The following ALOX5AP variants were observed in gnomAD, a reference collection of about 807,000 sequenced individuals.
ALOX5AP encodes the protein arachidonate 5-lipoxygenase activating protein.
Under a neutral mutation model 18.5 loss-of-function variants are expected in ALOX5AP, and 9 were observed. The observed-to-expected ratio is 0.49, with a 90% CI of 0.29 to 0.85. ALOX5AP has a LOEUF of 0.85. Ranked by LOEUF, ALOX5AP falls within the 40% of genes least tolerant of loss-of-function variation. The probability of loss-of-function intolerance (pLI) is 0.08; values close to 1 mark genes in which losing one functional copy is unlikely to be tolerated. For synonymous variants in ALOX5AP, 81 were observed against 78.6 expected (o/e 1.03, Z -0.16); for missense variants, 172 against 202.5 (o/e 0.85, Z 0.91).
At chr13:30,728,675 C>A (rs1436448475) in intron 1 of ALOX5AP, among the ~76,000 whole-genome samples, 1 of 152,012 alleles carries the variant, frequency 6.6e-6, no homozygotes, top group Non-Finnish European at 1.5e-5. Flanking sequence ...ACAGTGATAC[C>A]CTGTCTGTAC....
intron 2 of ALOX5AP, among the ~76,000 whole-genome samples, chr13:30,746,339 G>C (rs1010412626): frequency 6.6e-6 from 1 of 152,236 alleles, no homozygotes; most frequent in African/African-American, 2.4e-5. Flanking sequence ...TCCATGAGAG[G>C]GAAGGAGAAG....
rs756061691 is a variant in ALOX5AP at position 30,752,068 on chromosome 13, G to A, written c.187G>A (p.Ala63Thr). Reference sequence around the variant, plus strand: ...ATTCTGCAGCCAGAACTGTGTAGATGCGTACCCCACTTTCCTCGCTGTGCT... The same window carrying A: ...ATTCTGCAGCCAGAACTGTGTAGATACGTACCCCACTTTCCTCGCTGTGCT... ...VYTANQNCVD[A>T]YPTFLAVLWS... Residue 63 changes from alanine to threonine, a missense_variant, in exon 3 of 5, where the codon GCG becomes ACG. Ala to Thr is a moderately conservative substitution (Grantham distance 58). Coordinates refer to ENST00000380490, the MANE Select transcript of ALOX5AP (RefSeq NM_001629.4). 5 of 1,610,200 alleles carry A rather than the reference G, an allele frequency of 3.1e-6. No homozygotes were observed. The South Asian group carries it at 5.5e-5, about 18-fold the overall frequency.
chr13:30,750,104 G>C (rs1297917491), intron 2 of ALOX5AP, among the ~76,000 whole-genome samples: 1 of 152,176 alleles, frequency 6.6e-6, no homozygotes, highest in Non-Finnish European at 1.5e-5. Flanking sequence ...AATTCTGAAG[G>C]CCTGAGGTGG....
intron 1 of ALOX5AP, among the ~76,000 whole-genome samples, chr13:30,728,263 G>C (rs116944465): frequency 0.022 from 3,319 of 152,262 alleles, 53 homozygotes; most frequent in Middle Eastern, 0.048. Flanking sequence ...AGGGAGCATA[G>C]CCCTGCTGAC....
intron 2 of ALOX5AP, among the ~76,000 whole-genome samples, chr13:30,745,930 C>T (rs1414710931): frequency 6.6e-6 from 1 of 152,228 alleles, no homozygotes; most frequent in African/African-American, 2.4e-5. Context: ...CCTATGGACT[C>T]CTCAGCTCAA....
chr13:30,716,743 A>T (rs1296135782), intron 1 of ALOX5AP, among the ~76,000 whole-genome samples: 20 of 152,262 alleles, frequency 1.3e-4, no homozygotes, highest in Admixed American at 1.3e-3. Context: ...GGGGTTCCCC[A>T]AACCACCCTG....
At chr13:30,730,349 T>C (rs1951671531) in intron 1 of ALOX5AP, among the ~76,000 whole-genome samples, 1 of 152,236 alleles carries the variant, frequency 6.6e-6, no homozygotes, top group Non-Finnish European at 1.5e-5. Context: ...CAGGTTGATT[T>C]GGTTCTCACA....
In ALOX5AP at chr13:30,727,736, C is replaced by A. The variant is rs78089108; in HGVS notation, c.117-7815C>A. On this transcript the variant is annotated intron_variant, in intron 1 of 5. Transcript: ENST00000617770. ...GTGATGAGGGCATCAGATTCTCCTG[C>A]AGAAAGCCCCAGTGTTGAAGTTGGG... 9.9e-3 allele frequency among the ~76,000 whole-genome samples: 1,511 copies of A among 152,248 alleles called. 24 individuals carry two copies. The highest frequency in any genetic ancestry group is 0.034 in the African/African-American group (1,431 of 41,536).
intron 1 of ALOX5AP, chr13:30,713,860 GCA>G: frequency 6.5e-7 from 1 of 1,531,634 alleles, no homozygotes; most frequent in Non-Finnish European, 8.7e-7. Context: ...GTGTGTGCGC[GCA>G]CACGCGCATG....
chr13:30,743,982 C>A, intron 1 of ALOX5AP, 78 bp from the exon 2 acceptor site: 2 of 1,234,126 alleles, frequency 1.6e-6, no homozygotes, highest in Non-Finnish European at 2.4e-6. Context: ...AGGCATTTAA[C>A]ATTCTAGTAA....
At chr13:30,724,218 C>T (rs1264223373) in intron 1 of ALOX5AP, among the ~76,000 whole-genome samples, 2 of 152,188 alleles carry the variant, frequency 1.3e-5, no homozygotes, top group African/African-American at 2.4e-5. Context: ...TGTCTGTCTT[C>T]TTCTGCTCAG....
intron 1 of ALOX5AP, among the ~76,000 whole-genome samples, chr13:30,719,611 A>G (rs904162163): frequency 4.6e-5 from 7 of 152,190 alleles, no homozygotes; most frequent in African/African-American, 1.4e-4. Flanking sequence ...CCAAGAGTCA[A>G]TACTGTTTAG....
In ALOX5AP at chr13:30,763,998, C is replaced by G. The variant is rs150861552; in HGVS notation, c.378C>G (p.Ser126=). The G allele has an allele frequency of 6.2e-7, 1 of 1,614,128 alleles. No individual in the cohort carries two copies. The highest frequency in any genetic ancestry group is 1.3e-5 in the African/African-American group (1 of 75,022). The part of the protein sequence containing the change: ...KRIILFLFLM[S]VAGIFNYYLI... ...TCATACTCTTCCTGTTCCTCATGTCCGTTGCTGGCATATTCAACTATTACC... is the reference window on the plus strand; with the variant it reads ...TCATACTCTTCCTGTTCCTCATGTCGGTTGCTGGCATATTCAACTATTACC... The change falls in exon 5 of 5, where the codon TCC becomes TCG. Residue 126 remains serine (S), a synonymous_variant. Coordinates refer to ENST00000380490, the MANE Select transcript of ALOX5AP (RefSeq NM_001629.4).
Position 30,735,561 on chromosome 13 carries a change from G to A in ALOX5AP, c.-45G>A. 1 of 1,612,640 alleles carries A rather than the reference G, an allele frequency of 6.2e-7. No homozygotes were observed. Among genetic ancestry groups the A allele is most frequent in the Non-Finnish European group, 8.5e-7 (1 of 1,179,420 alleles). On this transcript the variant is annotated 5_prime_UTR_variant, in exon 1 of 5. Coordinates refer to ENST00000380490, the MANE Select transcript of ALOX5AP (RefSeq NM_001629.4). ...CCCCTTCCTGTACAGGGCAGGTTGT[G>A]CAGCTGGAGGCAGAGCAGTCCTCTC...
chr13:30,715,090 C>A (rs1042022227), intron 1 of ALOX5AP, among the ~76,000 whole-genome samples: 1 of 152,102 alleles, frequency 6.6e-6, no homozygotes, highest in African/African-American at 2.4e-5. Context: ...GACCTTGGAC[C>A]GGTTGCTTGA....
Position 30,764,210 on chromosome 13 carries a change from T to C in ALOX5AP, c.*104T>C. 7.7e-7 allele frequency: 1 copy of C among 1,299,364 alleles called. No individual in the cohort carries two copies. The highest frequency in any genetic ancestry group is 2.5e-5 in the East Asian group (1 of 40,812). 80.5% of individuals were successfully genotyped at this position (1,299,364 alleles called of 1,614,324 possible). A position where few individuals can be genotyped will look rare whatever the true frequency, so the allele number is the denominator to read the frequency against. Reference sequence around the variant, plus strand: ...CTGCTCTTCTTTAGATGGCTGTAAATCTATTGGCCATCTGGGCTTCACAGC... The same window carrying C: ...CTGCTCTTCTTTAGATGGCTGTAAACCTATTGGCCATCTGGGCTTCACAGC... On this transcript the variant is annotated 3_prime_UTR_variant, in exon 5 of 5. Coordinates refer to ENST00000380490, the MANE Select transcript of ALOX5AP (RefSeq NM_001629.4).
chr13:30,724,366 T>C (rs1039611415), intron 1 of ALOX5AP, among the ~76,000 whole-genome samples: 1 of 152,218 alleles, frequency 6.6e-6, no homozygotes, highest in African/African-American at 2.4e-5. Context: ...GTTTCCAGCT[T>C]TGAACTATTT....
chr13:30,736,752 A>C (rs1951725148), intron 1 of ALOX5AP, among the ~76,000 whole-genome samples: 1 of 152,220 alleles, frequency 6.6e-6, no homozygotes, highest in African/African-American at 2.4e-5. Context: ...CAAGAACTAC[A>C]CTTTGTGGCT....
At chr13:30,755,783 T>C (rs1466274588) in intron 3 of ALOX5AP, among the ~76,000 whole-genome samples, 161 bp from the exon 4 acceptor site, 1 of 152,194 alleles carries the variant, frequency 6.6e-6, no homozygotes, top group Non-Finnish European at 1.5e-5. Context: ...TCGTTACCAG[T>C]ATTAGGAAGG....
Sources: allele counts gnomAD v4.1 joint callset (sites outside exome capture counted in the v4.1 genomes callset), GRCh38; gene constraint gnomAD v4.1.1; transcripts MANE v1.5; gene names NCBI Gene and HGNC (gene_info 2026-07-23, HGNC 2026-07-21).